Variants in AEBP1 observed in about 807,000 individuals in gnomAD.
AEBP1 encodes the protein adipocyte enhancer-binding protein 1.
Under a neutral mutation model 116.5 loss-of-function variants are expected in AEBP1, and 69 were observed. The ratio of observed to expected loss-of-function variants is 0.59; its 90% CI spans 0.49 to 0.72. The LOEUF is 0.72. Among genes scored for constraint, AEBP1 ranks in the 30% least tolerant of loss-of-function variants. The probability of loss-of-function intolerance (pLI) is 0.00; values close to 1 mark genes in which losing one functional copy is unlikely to be tolerated. For synonymous variants in AEBP1, 627 were observed against 627.3 expected (o/e 1.00, Z 0.01); for missense variants, 1,444 against 1,557.5 (o/e 0.93, Z 1.23).
At chr7:44,109,437 C>G (rs2096226520) in intron 9 of AEBP1, 96 bp downstream of exon 9, 2 of 1,334,428 alleles carry the variant, frequency 1.5e-6, no homozygotes, top group African/African-American at 1.5e-5. Flanking sequence ...ACCCAGGTCC[C>G]CGGAACCCTT....
Position 44,111,726 on chromosome 7 carries a change from T to C in AEBP1, c.1840+96T>C, listed in dbSNP as rs2096229628. ...CCGGAGCCTCTCTGGGGATTCTGGCTTGTCTTACAGGGCCCTAGGAGCCCC... is the reference window on the plus strand; with the variant it reads ...CCGGAGCCTCTCTGGGGATTCTGGCCTGTCTTACAGGGCCCTAGGAGCCCC... On this transcript the variant is annotated intron_variant, in intron 15 of 20. Coordinates refer to ENST00000223357, the MANE Select transcript of AEBP1 (RefSeq NM_001129.5). The surrounding 1 kb of genome is among the most constrained non-coding windows in gnomAD (Gnocchi z 4.7). 1.3e-6 allele frequency: 2 copies of C among 1,567,174 alleles called. No individual in the cohort carries two copies. Among genetic ancestry groups the C allele is most frequent in the Non-Finnish European group, 1.7e-6 (2 of 1,155,950 alleles).
Position 44,107,354 on chromosome 7 carries a change from T to C in AEBP1, c.596-85T>C. 3 of 1,364,076 alleles carry C rather than the reference T, an allele frequency of 2.2e-6. No individual in the cohort carries two copies. The highest frequency in any genetic ancestry group is 3.1e-6 in the Non-Finnish European group (3 of 958,270). The allele number at this position is 1,364,076 out of a possible 1,614,324, so 84.5% of individuals were successfully genotyped here. The stretch of plus-strand genomic sequence containing the variant: ...GGGTGTCCACAGGCTCTGTGTGGGC[T>C]CTATGGGTGGCTGGTGGCCTGAGGC... On this transcript the variant is annotated intron_variant, in intron 2 of 20. Transcript: ENST00000223357. The surrounding 1 kb of genome is among the most constrained non-coding windows in gnomAD (Gnocchi z 4.3).
chr7:44,112,085 C>T lies in AEBP1; in HGVS notation c.2037+35C>T. On this transcript the variant is annotated intron_variant, in intron 16 of 20. Transcript: ENST00000223357. The surrounding 1 kb of genome is among the most constrained non-coding windows in gnomAD (Gnocchi z 6.6). ...AGGGTGAGGCTGGCCAGGGTCCAGG[C>T]AGCTGGGGGTTGTGGGGGTGTGGGT... is the stretch of plus-strand genomic sequence containing the variant. 8.1e-6 allele frequency: 13 copies of T among 1,605,412 alleles called. No homozygotes were observed. The highest frequency in any genetic ancestry group is 1.1e-5 in the Non-Finnish European group (13 of 1,173,426).
Position 44,114,069 on chromosome 7 carries a change from C to G in AEBP1, c.3285C>G (p.Thr1095=). The G allele has an allele frequency of 6.2e-7, 1 of 1,614,018 alleles. No homozygotes were observed. Among genetic ancestry groups the G allele is most frequent in the Non-Finnish European group, 8.5e-7 (1 of 1,179,984 alleles). ...TYTEVVTEFG[T]EVEPEFGTKV... ...CAGAGGTGGTGACAGAGTTTGGGACCGAGGTGGAGCCCGAGTTTGGGACCA... is the reference window on the plus strand; with the variant it reads ...CAGAGGTGGTGACAGAGTTTGGGACGGAGGTGGAGCCCGAGTTTGGGACCA... The change falls in exon 21 of 21, where the codon ACC becomes ACG. Residue 1095 remains threonine (T), a synonymous_variant. Transcript: ENST00000223357.
chr7:44,108,021 C>A lies in AEBP1; in HGVS notation c.877C>A (p.Pro293Thr). ...PEERIEPPVK[P>T]LLPPLPPDYG... ...CGCCTCCCCAGAGCCTCCTGTGAAG[C>A]CTCTGCTGCCCCCGCTGCCCCCTGA... Residue 293 changes from proline (P) to threonine (T), a missense_variant, in exon 6 of 21, where the codon CCT (proline) becomes ACT (threonine). Transcript: ENST00000223357. The surrounding 1 kb of genome is among the most constrained non-coding windows in gnomAD (Gnocchi z 5.0). The A allele has an allele frequency of 6.3e-7, 1 of 1,592,560 alleles. No individual in the cohort carries two copies. Among genetic ancestry groups the A allele is most frequent in the South Asian group, 1.1e-5 (1 of 87,912 alleles).
rs1464524923 is a variant in AEBP1, at chr7:44,114,339, A to G, written c.*78A>G. 6.6e-7 allele frequency: 1 copy of G among 1,507,626 alleles called. No individual in the cohort carries two copies. The highest frequency in any genetic ancestry group is 9.1e-7 in the Non-Finnish European group (1 of 1,095,374). The allele number at this position is 1,507,626 out of a possible 1,614,324, so 93.4% of individuals were successfully genotyped here. On this transcript the variant is annotated 3_prime_UTR_variant, in exon 21 of 21. Transcript: ENST00000223357. ...TCCCAAGCCTGCTGACCACAGTCAC[A>G]TCACCCATCAGCACATGGAAGGCCC...
Position 44,110,252 on chromosome 7 carries a change from G to T in AEBP1, c.1306G>T (p.Glu436Ter), listed in dbSNP as rs376165441. The T allele has an allele frequency of 6.2e-7, 1 of 1,613,774 alleles. No homozygotes were observed. Among genetic ancestry groups the T allele is most frequent in the Admixed American group, 1.7e-5 (1 of 60,026 alleles). ...DDYYDGAWCAEDDARTQWIEV... is the reference protein window; with the variant it reads ...DDYYDGAWCA ...CTACTATGATGGTGCGTGGTGTGCC[G>T]AGGACGATGCCAGGACCCAGTGGAT... The change falls in exon 11 of 21, where the codon GAG becomes TAG. Residue 436 changes from glutamate to a stop codon, truncating the protein, a stop_gained. Coordinates refer to ENST00000223357, the MANE Select transcript of AEBP1 (RefSeq NM_001129.5). LOFTEE classifies it high-confidence loss of function.
intron 11 of AEBP1, 40 bp from the exon 12 acceptor site, chr7:44,110,685 A>G (rs776125827): frequency 2.0e-6 from 3 of 1,491,534 alleles, no homozygotes; most frequent in Admixed American, 4.6e-5. Flanking sequence ...AGGGCCTGGG[A>G]GGGGGAAGAC....
At position 44,109,136 on chromosome 7, in the gene AEBP1, A is replaced by G. The variant is rs765955366; in HGVS notation, c.1048A>G (p.Lys350Glu). 14 of 1,613,528 alleles carry G rather than the reference A, an allele frequency of 8.7e-6. No individual in the cohort carries two copies. In the South Asian group the frequency reaches 1.4e-4, roughly 16 times the overall value. The stretch of plus-strand genomic sequence containing the variant: ...ACCCAAAAAGGAGGACAGCAGCCCC[A>G]AGGAGGAGACCGACAAGTGGGCAGT... ...KKPKKEDSSP[K>E]EETDKWAVEK... The change falls in exon 8 of 21, where the codon AAG becomes GAG. Residue 350 changes from lysine (K) to glutamate (E), a missense_variant. Lys to Glu is a moderately conservative substitution (Grantham distance 56). Transcript: ENST00000223357.
At position 44,111,733 on chromosome 7, in the gene AEBP1, A is replaced by G; in HGVS notation, c.1840+103A>G. The stretch of plus-strand genomic sequence containing the variant: ...CTCTCTGGGGATTCTGGCTTGTCTT[A>G]CAGGGCCCTAGGAGCCCCAGCTGTC... On this transcript the variant is annotated intron_variant, in intron 15 of 20. Coordinates refer to ENST00000223357, the MANE Select transcript of AEBP1 (RefSeq NM_001129.5). The surrounding 1 kb of genome is among the most constrained non-coding windows in gnomAD (Gnocchi z 4.7). 2 of 1,555,486 alleles carry G rather than the reference A, an allele frequency of 1.3e-6. No homozygotes were observed. The highest frequency in any genetic ancestry group is 1.7e-6 in the Non-Finnish European group (2 of 1,149,086).
chr7:44,109,671 C>G (rs11975687), intron 9 of AEBP1: 1 of 566,556 alleles, frequency 1.8e-6, no homozygotes, highest in Admixed American at 3.2e-5. Flanking sequence ...ATTGTGCAGA[C>G]GGTCCCCATC....
Position 44,114,313 on chromosome 7 carries a change from T to TGACCCA in AEBP1, c.*52_*53insGACCCA, listed in dbSNP as rs2096234397. 6.3e-7 allele frequency: 1 copy of TGACCCA among 1,589,626 alleles called. No individual in the cohort carries two copies. Among genetic ancestry groups the TGACCCA allele is most frequent in the Non-Finnish European group, 8.6e-7 (1 of 1,161,592 alleles). ...CCAACTCAAGCTACAGCAGCAGCACTTCCCAAGCCTGCTGACCACAGTCAC... is the reference window on the plus strand; with the variant it reads ...CCAACTCAAGCTACAGCAGCAGCACTGACCCATCCCAAGCCTGCTGACCACAGTCAC... On this transcript the variant is annotated 3_prime_UTR_variant, in exon 21 of 21. Coordinates refer to ENST00000223357, the MANE Select transcript of AEBP1 (RefSeq NM_001129.5).
At position 44,107,336 on chromosome 7, in the gene AEBP1, C is replaced by A; in HGVS notation, c.596-103C>A. 1 of 1,188,868 alleles carries A rather than the reference C, an allele frequency of 8.4e-7. No individual in the cohort carries two copies. The highest frequency in any genetic ancestry group is 1.3e-5 in the South Asian group (1 of 78,680). The allele number at this position is 1,188,868 out of a possible 1,614,324, so 73.6% of individuals were successfully genotyped here. ...GTGAGCTCGGCCTCAGGAGGGTGTCCACAGGCTCTGTGTGGGCTCTATGGG... is the reference window on the plus strand; with the variant it reads ...GTGAGCTCGGCCTCAGGAGGGTGTCAACAGGCTCTGTGTGGGCTCTATGGG... On this transcript the variant is annotated intron_variant, in intron 2 of 20. Transcript: ENST00000223357. The surrounding 1 kb of genome is among the most constrained non-coding windows in gnomAD (Gnocchi z 4.3).
Position 44,111,941 on chromosome 7 carries a change from G to A in AEBP1, c.1928G>A (p.Cys643Tyr). The change falls in exon 16 of 21, where the codon TGC becomes TAC. Residue 643 changes from cysteine (C) to tyrosine (Y), a missense_variant. By Grantham distance (194) the Cys-to-Tyr change is radical. Transcript: ENST00000223357. The surrounding 1 kb of genome is among the most constrained non-coding windows in gnomAD (Gnocchi z 4.7). The stretch of plus-strand genomic sequence containing the variant: ...TTGCTGCTGCTCATGCAGTACCTGT[G>A]CCGAGAGTACCGCGATGGGAACCCA... ...ELLLLLMQYL[C>Y]REYRDGNPRV... 1 of 1,613,894 alleles carries A rather than the reference G, an allele frequency of 6.2e-7. No individual in the cohort carries two copies. The highest frequency in any genetic ancestry group is 8.5e-7 in the Non-Finnish European group (1 of 1,180,038).
rs143568325 is a variant in AEBP1, at chr7:44,110,235, A to G, written c.1289A>G (p.Asp430Gly). The change falls in exon 11 of 21, where the codon GAT becomes GGT. Residue 430 changes from aspartate (D) to glycine (G), a missense_variant. By Grantham distance (94) the Asp-to-Gly change is moderately conservative. Transcript: ENST00000223357. ...QTGATEDDYY[D>G]GAWCAEDDAR... Reference sequence around the variant, plus strand: ...GGTGCCACTGAGGACGACTACTATGATGGTGCGTGGTGTGCCGAGGACGAT... The same window carrying G: ...GGTGCCACTGAGGACGACTACTATGGTGGTGCGTGGTGTGCCGAGGACGAT... 3.3e-5 allele frequency: 54 copies of G among 1,613,564 alleles called. No homozygotes were observed. The African/African-American group carries it at 5.2e-4, about 16-fold the overall frequency.
At position 44,112,198 on chromosome 7, in the gene AEBP1, C is replaced by A; in HGVS notation, c.2094C>A (p.Ile698=). 1 of 1,609,252 alleles carries A rather than the reference C, an allele frequency of 6.2e-7. No individual in the cohort carries two copies. Among genetic ancestry groups the A allele is most frequent in the Non-Finnish European group, 8.5e-7 (1 of 1,176,140 alleles). ...TGTGGACTGAGGAGGGCTTTGACAT[C>A]TTTGAAGATTTCCCGGATCTCAACT... ...LGLWTEEGFD[I]FEDFPDLNSV... Residue 698 remains isoleucine (I), a synonymous_variant, in exon 17 of 21, where the codon ATC becomes ATA. Transcript: ENST00000223357. The surrounding 1 kb of genome is among the most constrained non-coding windows in gnomAD (Gnocchi z 6.6).
chr7:44,108,071 C>G lies in AEBP1; in HGVS notation c.927C>G (p.Pro309=), dbSNP rs1431345887. Residue 309 remains proline, a synonymous_variant, in exon 6 of 21, where the codon CCC becomes CCG. Coordinates refer to ENST00000223357, the MANE Select transcript of AEBP1 (RefSeq NM_001129.5). The surrounding 1 kb of genome is among the most constrained non-coding windows in gnomAD (Gnocchi z 5.0). ...PPDYGDGYVI[P]NYDDMDYYFG... Reference sequence around the variant, plus strand: ...ACTATGGTGATGGTTACGTGATCCCCAACTACGATGACAGTGAGTACCCAG... The same window carrying G: ...ACTATGGTGATGGTTACGTGATCCCGAACTACGATGACAGTGAGTACCCAG... 6.2e-7 allele frequency: 1 copy of G among 1,601,750 alleles called. No homozygotes were observed. The highest frequency in any genetic ancestry group is 8.5e-7 in the Non-Finnish European group (1 of 1,175,354).
Position 44,104,388 on chromosome 7 carries a change from C to A in AEBP1, c.-278C>A, listed in dbSNP as rs997644021. The A allele has an allele frequency of 6.7e-6, 2 of 299,374 alleles. No individual in the cohort carries two copies. Among genetic ancestry groups the A allele is most frequent in the South Asian group, 1.6e-4 (1 of 6,388 alleles). The allele number at this position is 299,374 out of a possible 1,614,324, so 18.5% of individuals were successfully genotyped here. On this transcript the variant is annotated 5_prime_UTR_variant, in exon 1 of 21. Transcript: ENST00000223357. ...GCTATCCGCGCGGGAGTGCGCCACG[C>A]GGGGCCGGAGCGCCTATTAGCCGCC...
chr7:44,113,196 G>A lies in AEBP1; in HGVS notation c.2710-56G>A. 6.2e-7 allele frequency: 1 copy of A among 1,613,192 alleles called. No homozygotes were observed. The highest frequency in any genetic ancestry group is 1.7e-5 in the Admixed American group (1 of 59,998). On this transcript the variant is annotated intron_variant, in intron 19 of 20. Transcript: ENST00000223357. This position sits in a 1 kb window ranked among gnomAD's most constrained non-coding sequence, Gnocchi z 5.3. ...CAGGCTCCTGGATGGGCGGGAGGGA[G>A]CAGCGGACCACATTGGACCTTCCTG... is the stretch of plus-strand genomic sequence containing the variant.
Sources: allele counts gnomAD v4.1 joint callset, GRCh38; gene constraint gnomAD v4.1.1; non-coding constraint Gnocchi (gnomAD v3.1); transcripts MANE v1.5; gene names NCBI Gene and HGNC (gene_info 2026-07-23, HGNC 2026-07-21).